Variants in STMN3 observed in about 807,000 individuals in gnomAD.
STMN3 encodes the protein stathmin 3.
Under a neutral mutation model 23.2 loss-of-function variants are expected in STMN3, and 24 were observed. The observed-to-expected ratio is 1.03, with a 90% CI of 0.75 to 1.45. The LOEUF (loss-of-function observed/expected upper bound fraction) is 1.45. STMN3 is among the 40% of genes most tolerant of loss of function. STMN3 has a pLI of 0.00. For synonymous variants in STMN3, 117 were observed against 103.4 expected (o/e 1.13, Z -0.80); for missense variants, 235 against 237.6 (o/e 0.99, Z 0.07).
intron 1 of STMN3, among the ~76,000 whole-genome samples, chr20:63,649,950 C>T (rs1169121830): frequency 6.6e-6 from 1 of 152,108 alleles, no homozygotes; most frequent in African/African-American, 2.4e-5. Flanking sequence ...CCTCAGCCTC[C>T]CAAGTAGCTA....
rs536090295 is a variant in STMN3, at chr20:63,642,111, C to T, written c.480G>A (p.Glu160=). ...CGCCCCGGCCCCGCCCCCGCACCTT[C>T]TCGCGCAGCCGCTCGCGCAGTGCGG... ...HLAALRERLR[E]KELHAAEVRR... is the part of the protein sequence containing the mutation. The change falls in exon 4 of 5, where the codon GAG becomes GAA. Residue 160 remains glutamate (E), a synonymous_variant. Coordinates refer to ENST00000370053, the MANE Select transcript of STMN3 (RefSeq NM_015894.4). 4.7e-5 allele frequency: 71 copies of T among 1,514,396 alleles called. No individual in the cohort carries two copies. The Admixed American group carries it at 1.5e-3, about 31-fold the overall frequency. The allele number at this position is 1,514,396 out of a possible 1,614,324, so 93.8% of individuals were successfully genotyped here. A position where few individuals can be genotyped will look rare whatever the true frequency, so the allele number is the denominator to read the frequency against.
intron 1 of STMN3, 87 bp downstream of exon 1, chr20:63,653,240 C>A: frequency 6.7e-7 from 1 of 1,486,606 alleles, no homozygotes; most frequent in African/African-American, 1.4e-5. Flanking sequence ...AATTGGCGTC[C>A]GCTGCCGGCC....
chr20:63,640,711 A>G lies in STMN3; in HGVS notation c.*627T>C, dbSNP rs1323030767. On this transcript the variant is annotated 3_prime_UTR_variant, in exon 5 of 5. Transcript: ENST00000370053. ...CCCAGCAGACTCAGGGCAGGCCCCC[A>G]ACTGCAGGCTTCCAGGAAGGCCCAG... 1 of 173,912 alleles carries G rather than the reference A, an allele frequency of 5.8e-6. No homozygotes were observed. Among genetic ancestry groups the G allele is most frequent in the East Asian group, 1.8e-4 (1 of 5,652 alleles). 10.8% of individuals were successfully genotyped at this position (173,912 alleles called of 1,614,324 possible).
At chr20:63,651,386 G>A (rs967549675) in intron 1 of STMN3, among the ~76,000 whole-genome samples, 2 of 152,158 alleles carry the variant, frequency 1.3e-5, no homozygotes, top group African/African-American at 2.4e-5. Flanking sequence ...GGGAGCTCGC[G>A]GAGGTGGGGG....
chr20:63,652,640 G>C lies in STMN3; in HGVS notation c.19+687C>G. ...GGAGGGGCGGAGCCCTCTGGTCTCC[G>C]GAGGGTTTGGGGATCGCAGTCGCCC... On this transcript the variant is annotated intron_variant, in intron 1 of 4. Coordinates refer to ENST00000370053, the MANE Select transcript of STMN3 (RefSeq NM_015894.4). This position sits in a 1 kb window ranked among gnomAD's most constrained non-coding sequence, Gnocchi z 5.3. 3.0e-6 allele frequency: 3 copies of C among 985,514 alleles called. No individual in the cohort carries two copies. Among genetic ancestry groups the C allele is most frequent in the Non-Finnish European group, 3.6e-6 (3 of 829,994 alleles). 61.0% of individuals were successfully genotyped at this position (985,514 alleles called of 1,614,324 possible). A position where few individuals can be genotyped will look rare whatever the true frequency, so the allele number is the denominator to read the frequency against.
At position 63,652,253 on chromosome 20, in the gene STMN3, A is replaced by G. The variant is rs1308148322; in HGVS notation, c.19+1074T>C. On this transcript the variant is annotated intron_variant, in intron 1 of 4. Coordinates refer to ENST00000370053, the MANE Select transcript of STMN3 (RefSeq NM_015894.4). The surrounding 1 kb of genome is among the most constrained non-coding windows in gnomAD (Gnocchi z 5.3). The stretch of plus-strand genomic sequence containing the variant: ...CCAAGGCGCCCGAGTTGAACCAGTC[A>G]GCTCGGGAGAGGGACCGCGGCGACC... The G allele has an allele frequency of 2.0e-5, 3 of 152,282 alleles. No individual in the cohort carries two copies. The East Asian group carries it at 5.8e-4, about 30-fold the overall frequency. 9.4% of individuals were successfully genotyped at this position (152,282 alleles called of 1,614,324 possible).
chr20:63,651,021 A>C (rs2089854889), intron 1 of STMN3, among the ~76,000 whole-genome samples: 1 of 148,910 alleles, frequency 6.7e-6, no homozygotes, highest in Non-Finnish European at 1.5e-5. Flanking sequence ...GTGCAATGGC[A>C]CAATCTCAGC....
chr20:63,644,158 A>G (rs2089790519), intron 2 of STMN3, 56 bp downstream of exon 2: 3 of 1,511,778 alleles, frequency 2.0e-6, no homozygotes, highest in African/African-American at 1.4e-5. Flanking sequence ...AGGCCGGGGG[A>G]AAAGGTGAGG....
At position 63,652,554 on chromosome 20, in the gene STMN3, AGGCCGGGGTGGGC is replaced by A. The variant is rs2089868915; in HGVS notation, c.19+760_19+772del. ...TGAGCTCCGCGCGGGACGGGCCGGGAGGCCGGGGTGGGCGCTACCTTCGAAGGCGGTGGGTCCG... is the reference window on the plus strand; with the variant it reads ...TGAGCTCCGCGCGGGACGGGCCGGGAGCTACCTTCGAAGGCGGTGGGTCCG... On this transcript the variant is annotated intron_variant, in intron 1 of 4. Transcript: ENST00000370053. The surrounding 1 kb of genome is among the most constrained non-coding windows in gnomAD (Gnocchi z 5.3). 1 of 983,662 alleles carries A rather than the reference AGGCCGGGGTGGGC, an allele frequency of 1.0e-6. No homozygotes were observed. Among genetic ancestry groups the A allele is most frequent in the South Asian group, 4.7e-5 (1 of 21,250 alleles). The allele number at this position is 983,662 out of a possible 1,614,324, so 60.9% of individuals were successfully genotyped here.
Position 63,652,164 on chromosome 20 carries a change from C to T in STMN3, c.19+1163G>A, listed in dbSNP as rs924739426. ...TGAAGTCACCTGGAGCCTCCAAGCCCGTGGGGCCTGAGGGGCGGGGTCAGG... is the reference window on the plus strand; with the variant it reads ...TGAAGTCACCTGGAGCCTCCAAGCCTGTGGGGCCTGAGGGGCGGGGTCAGG... On this transcript the variant is annotated intron_variant, in intron 1 of 4. Coordinates refer to ENST00000370053, the MANE Select transcript of STMN3 (RefSeq NM_015894.4). The surrounding 1 kb of genome is among the most constrained non-coding windows in gnomAD (Gnocchi z 5.3). The T allele has an allele frequency of 6.6e-6, 1 of 152,296 alleles. No homozygotes were observed. The highest frequency in any genetic ancestry group is 2.4e-5 in the African/African-American group (1 of 41,460). The allele number at this position is 152,296 out of a possible 1,614,324, so 9.4% of individuals were successfully genotyped here.
Position 63,641,343 on chromosome 20 carries a change from C to A in STMN3, c.538G>T (p.Gly180Cys). The A allele has an allele frequency of 3.8e-6, 6 of 1,566,200 alleles. No homozygotes were observed. Among genetic ancestry groups the A allele is most frequent in the Non-Finnish European group, 5.2e-6 (6 of 1,156,272 alleles). ...RNKEQREEMS[G>C] ...GCGCCGCCCGTCCCGGGCCCTTAGC[C>A]CGACATCTCTTCTCGCTGCTCCTTG... is the stretch of plus-strand genomic sequence containing the variant. Residue 180 changes from glycine (G) to cysteine (C), a missense_variant, in exon 5 of 5, where the codon GGC becomes TGC. By Grantham distance (159) the Gly-to-Cys change is radical (BLOSUM62 -3). Coordinates refer to ENST00000370053, the MANE Select transcript of STMN3 (RefSeq NM_015894.4).
chr20:63,641,929 GCCCCGCCCCGGCC>G (rs2089768379), intron 4 of STMN3, among the ~76,000 whole-genome samples, 166 bp downstream of exon 4: 1 of 39,066 alleles, frequency 2.6e-5, no homozygotes, highest in African/African-American at 1.0e-4. Context: ...CTCCGCCCCG[GCCCCGCCCCGGCC>G]CCTGCCCGCT....
intron 1 of STMN3, among the ~76,000 whole-genome samples, chr20:63,646,224 G>A (rs941272607): frequency 6.6e-6 from 1 of 152,076 alleles, no homozygotes; most frequent in Non-Finnish European, 1.5e-5. Context: ...GAGAGCCTTT[G>A]GGGGAAGGAA....
intron 1 of STMN3, among the ~76,000 whole-genome samples, chr20:63,647,960 G>A (rs376477256): frequency 0.39 from 20,057 of 51,268 alleles, 4,098 homozygotes; most frequent in Non-Finnish European, 0.46. Flanking sequence ...ATATATATAT[G>A]TATATATATA....
At chr20:63,645,885 G>A (rs562120781) in intron 1 of STMN3, among the ~76,000 whole-genome samples, 20 of 152,264 alleles carry the variant, frequency 1.3e-4, no homozygotes, top group South Asian at 6.2e-4. Context: ...CCTGGGAGGC[G>A]GAGGTTGCAG....
chr20:63,643,632 C>G, intron 3 of STMN3, 124 bp downstream of exon 3: 1 of 1,376,616 alleles, frequency 7.3e-7, no homozygotes, highest in Non-Finnish European at 9.3e-7. Context: ...AGCCACAGCC[C>G]CTCCTGCTCC....
At chr20:63,649,650 C>A (rs1044593798) in intron 1 of STMN3, among the ~76,000 whole-genome samples, 1 of 152,046 alleles carries the variant, frequency 6.6e-6, no homozygotes, top group African/African-American at 2.4e-5. Flanking sequence ...CCTGCCTCAG[C>A]CTCCCGAATA....
Position 63,641,301 on chromosome 20 carries a change from G to A in STMN3, c.*37C>T. The A allele has an allele frequency of 2.6e-6, 4 of 1,549,862 alleles. No individual in the cohort carries two copies. The South Asian group carries it at 3.6e-5, about 14-fold the overall frequency. On this transcript the variant is annotated 3_prime_UTR_variant, in exon 5 of 5. Coordinates refer to ENST00000370053, the MANE Select transcript of STMN3 (RefSeq NM_015894.4). Reference sequence around the variant, plus strand: ...CGAAACAAAACCAAAACCCGAACGTGTTCTGTCGCAGGATGGGCGCCGCCC... The same window carrying A: ...CGAAACAAAACCAAAACCCGAACGTATTCTGTCGCAGGATGGGCGCCGCCC...
intron 1 of STMN3, among the ~76,000 whole-genome samples, chr20:63,647,635 C>CAG: frequency 7.3e-6 from 1 of 137,154 alleles, no homozygotes; most frequent in African/African-American, 2.7e-5. Context: ...CACAAACAAA[C>CAG]ATATATATAT....
Sources: gnomAD v4.1 joint callset for allele counts (sites outside exome capture counted in the v4.1 genomes callset) on GRCh38, gnomAD v4.1.1 for gene constraint, Gnocchi (gnomAD v3.1) non-coding constraint, MANE v1.5 for transcripts, NCBI Gene and HGNC (gene_info 2026-07-23, HGNC 2026-07-21) for gene names.